The following SLC39A12 variants were observed in gnomAD, a reference collection of about 807,000 sequenced individuals.
SLC39A12 encodes the protein solute carrier family 39 member 12.
SLC39A12 carries 63 observed loss-of-function variants against 71.1 expected under a neutral mutation model. That is an observed-to-expected ratio of 0.89 (90% CI 0.72 to 1.09). The LOEUF is 1.09. Ranked by LOEUF, SLC39A12 falls within the 50% of genes least tolerant of loss-of-function variation. SLC39A12 has a pLI of 0.00. For missense variants in SLC39A12, 892 were observed against 812.6 expected, an observed-to-expected ratio of 1.10 and a Z score of -1.19; for synonymous variants, 351 against 301.3, an observed-to-expected ratio of 1.16 and a Z score of -1.71.
intron 12 of SLC39A12, among the ~76,000 whole-genome samples, chr10:18,023,437 G>C (rs1836589596): frequency 6.6e-6 from 1 of 152,186 alleles, no homozygotes; most frequent in African/African-American, 2.4e-5. Flanking sequence ...GGTGGTAGGG[G>C]ACCAGGTAGC....
chr10:17,967,235 T>C (rs977451491), intron 4 of SLC39A12, among the ~76,000 whole-genome samples: 2 of 152,210 alleles, frequency 1.3e-5, no homozygotes, highest in Non-Finnish European at 2.9e-5. Flanking sequence ...GTGTTTCTTG[T>C]GTAGGGGCTG....
At position 17,977,937 on chromosome 10, in the gene SLC39A12, A is replaced by C. The variant is rs761904726; in HGVS notation, c.787A>C (p.Ser263Arg). 6.2e-7 allele frequency: 1 copy of C among 1,610,738 alleles called. No homozygotes were observed. Among genetic ancestry groups the C allele is most frequent in the Non-Finnish European group, 8.5e-7 (1 of 1,178,892 alleles). ...ACTCCTCAACACTCTCTGGACCAGA[A>C]GTACTTGTATCAAAAATGAGAAAAT... is the stretch of plus-strand genomic sequence containing the variant. ...DQLLNTLWTR[S>R]TCIKNEKIHQ... Residue 263 changes from serine (S) to arginine (R), a missense_variant, in exon 5 of 13, where the codon AGT becomes CGT. Ser to Arg is a moderately radical substitution (Grantham distance 110). Coordinates refer to ENST00000377369, the MANE Select transcript of SLC39A12 (RefSeq NM_001145195.2).
intron 4 of SLC39A12, among the ~76,000 whole-genome samples, chr10:17,967,577 T>G (rs1173305716): frequency 2.6e-5 from 4 of 152,102 alleles, no homozygotes. Flanking sequence ...CAGAACAATT[T>G]GCTTTTAAAA....
intron 12 of SLC39A12, among the ~76,000 whole-genome samples, chr10:18,019,407 A>C (rs1836470138): frequency 6.6e-6 from 1 of 151,720 alleles, no homozygotes; most frequent in South Asian, 2.1e-4. Flanking sequence ...CTGCTCTTTC[A>C]TTATTTTCTT....
chr10:18,041,017 A>C (rs1159582496), intron 12 of SLC39A12, among the ~76,000 whole-genome samples: 1 of 152,086 alleles, frequency 6.6e-6, no homozygotes, highest in Non-Finnish European at 1.5e-5. Context: ...GAGGGGTCTC[A>C]CAATGAAGGA....
intron 12 of SLC39A12, among the ~76,000 whole-genome samples, chr10:18,036,548 C>T (rs568349243): frequency 2.1e-4 from 32 of 151,736 alleles, no homozygotes; most frequent in East Asian, 1.8e-3. Context: ...GCCCACTGTC[C>T]GGCACTCCCT....
intron 12 of SLC39A12, among the ~76,000 whole-genome samples, chr10:18,040,906 G>C (rs12358488): frequency 1.3e-5 from 2 of 151,956 alleles, no homozygotes; most frequent in Admixed American, 6.6e-5. Context: ...AAATTTGACT[G>C]TGTCTGGAGG....
chr10:17,987,885 G>C lies in SLC39A12; in HGVS notation c.1269+234G>C, dbSNP rs1835444131. Reference sequence around the variant, plus strand: ...GTAGTATTTTTGAAATAAAACAAAGGAAAGGTGGCAGGGCACGGTGGCTCA... The same window carrying C: ...GTAGTATTTTTGAAATAAAACAAAGCAAAGGTGGCAGGGCACGGTGGCTCA... On this transcript the variant is annotated intron_variant, in intron 7 of 12. Coordinates refer to ENST00000377369, the MANE Select transcript of SLC39A12 (RefSeq NM_001145195.2). Among the ~76,000 whole-genome samples the C allele has an allele frequency of 2.0e-5, 3 of 152,046 alleles. No individual in the cohort carries two copies. In the South Asian group the frequency reaches 6.2e-4, roughly 32 times the overall value.
intron 12 of SLC39A12, among the ~76,000 whole-genome samples, chr10:18,010,257 T>A (rs892221507): frequency 1.3e-5 from 2 of 152,190 alleles, no homozygotes; most frequent in African/African-American, 4.8e-5. Flanking sequence ...TTCTTTGAAG[T>A]TTGGCAATAC....
intron 4 of SLC39A12, 123 bp downstream of exon 4, chr10:17,965,813 T>C: frequency 1.2e-6 from 1 of 808,582 alleles, no homozygotes; most frequent in Non-Finnish European, 1.9e-6. Context: ...CCATTTTTTA[T>C]AGAGTCATAA....
intron 10 of SLC39A12, among the ~76,000 whole-genome samples, chr10:17,996,413 T>C (rs10508556): frequency 0.5 from 75,303 of 152,020 alleles, 19,116 homozygotes; most frequent in Non-Finnish European, 0.55. Flanking sequence ...TTCTCACTTA[T>C]TTTACACTTT....
chr10:17,988,814 C>T (rs1835469529), intron 7 of SLC39A12, among the ~76,000 whole-genome samples: 2 of 152,234 alleles, frequency 1.3e-5, no homozygotes, highest in South Asian at 4.1e-4. Flanking sequence ...AGCTTCCCCA[C>T]AGCTCCACGG....
intron 4 of SLC39A12, among the ~76,000 whole-genome samples, chr10:17,974,061 T>G (rs1439122923): frequency 6.6e-6 from 1 of 151,440 alleles, no homozygotes; most frequent in Non-Finnish European, 1.5e-5. Context: ...TTTAAATTAT[T>G]TTTAAATTAT....
rs71497228 is a variant in SLC39A12, at chr10:18,012,166, A to C, written c.1947+8808A>C. ...ATTCTACTCTTACTAATCAAATATG[A>C]TTCTAAAATAGAACATATTCTAACA... On this transcript the variant is annotated intron_variant, in intron 12 of 12. Transcript: ENST00000377369. Among the ~76,000 whole-genome samples, 1,140 of 152,326 alleles carry C rather than the reference A, an allele frequency of 7.5e-3. 5 individuals carry two copies. Among genetic ancestry groups the C allele is most frequent in the Non-Finnish European group, 0.012 (812 of 68,016 alleles).
At chr10:18,004,489 G>A (rs113225412) in intron 12 of SLC39A12, 29 of 152,260 alleles carry the variant, frequency 1.9e-4, no homozygotes, top group African/African-American at 5.8e-4. Context: ...ATAGCAGTGC[G>A]TTGTTGAAGT....
At chr10:18,005,835 T>C (rs1235644415) in intron 12 of SLC39A12, 2 of 150,144 alleles carry the variant, frequency 1.3e-5, no homozygotes, top group Non-Finnish European at 3.0e-5. Flanking sequence ...AAAACCAGCA[T>C]CCTGGCAGAA....
intron 12 of SLC39A12, among the ~76,000 whole-genome samples, chr10:18,018,273 GC>G (rs1304921718): frequency 2.1e-4 from 32 of 152,184 alleles, no homozygotes; most frequent in Admixed American, 2.1e-3. Flanking sequence ...TGTTCTAGGA[GC>G]TTTTTTATTG....
At chr10:18,015,297 TAAC>T (rs1836344672) in intron 12 of SLC39A12, among the ~76,000 whole-genome samples, 1 of 152,208 alleles carries the variant, frequency 6.6e-6, no homozygotes, top group African/African-American at 2.4e-5. Flanking sequence ...GTTGACATGT[TAAC>T]AATAATCATC....
intron 12 of SLC39A12, among the ~76,000 whole-genome samples, chr10:18,033,401 T>G (rs1394501077): frequency 4.7e-5 from 7 of 148,454 alleles, no homozygotes; most frequent in Admixed American, 1.3e-4. Flanking sequence ...GTCGAGGAAT[T>G]TATCCATTTC....
Sources: gnomAD v4.1 joint callset for allele counts (sites outside exome capture counted in the v4.1 genomes callset) on GRCh38, gnomAD v4.1.1 for gene constraint, MANE v1.5 for transcripts, NCBI Gene and HGNC (gene_info 2026-07-23, HGNC 2026-07-21) for gene names.